USP6NL: variants seen among roughly 807,000 people sequenced by gnomAD.
The protein encoded by USP6NL is USP6 N-terminal like, also known as USP6 N-terminal-like protein.
USP6NL carries 26 observed loss-of-function variants against 61.9 expected under a neutral mutation model. The ratio of observed to expected loss-of-function variants is 0.42; its 90% CI spans 0.31 to 0.58. The LOEUF is 0.58. USP6NL is among the 20% of genes least tolerant of loss of function. The pLI, the probability that USP6NL is intolerant of heterozygous loss-of-function variation, is 0.16. For synonymous variants in USP6NL, 432 were observed against 390.1 expected (o/e 1.11, Z -1.27); for missense variants, 1,114 against 1,034.3 (o/e 1.08, Z -1.06).
Position 11,595,531 on chromosome 10 carries a change from C to T in USP6NL, c.4+2100G>A, listed in dbSNP as rs570421102. Among the ~76,000 whole-genome samples the T allele has an allele frequency of 7.9e-5, 12 of 152,136 alleles. No individual in the cohort carries two copies. The highest frequency in any genetic ancestry group is 2.9e-4 in the African/African-American group (12 of 41,432). ...GTGACTGAATCTGTGATGTTCTCAA[C>T]GTCACCATGGGGCCAGGGCTCTGAC... On this transcript the variant is annotated intron_variant, in intron 2 of 14. Transcript: ENST00000609104. This position sits in a 1 kb window ranked among gnomAD's most constrained non-coding sequence, Gnocchi z 5.3.
chr10:11,522,441 T>C (rs1835249009), intron 4 of USP6NL, among the ~76,000 whole-genome samples: 1 of 152,236 alleles, frequency 6.6e-6, no homozygotes, highest in Non-Finnish European at 1.5e-5. Context: ...CTCCGGTCTG[T>C]GGTGACAAGC....
rs1837939060 is a variant in USP6NL, at chr10:11,585,708, G to A, written c.4+11923C>T. On this transcript the variant is annotated intron_variant, in intron 2 of 14. Transcript: ENST00000609104. This position sits in a 1 kb window ranked among gnomAD's most constrained non-coding sequence, Gnocchi z 4.5. ...AAATTGAATAAAAATTTAAAAAGGT[G>A]GAAGCAACCCAAGTGTCCACTGACA... Among the ~76,000 whole-genome samples, 1 of 151,942 alleles carries A rather than the reference G, an allele frequency of 6.6e-6. No individual in the cohort carries two copies. The highest frequency in any genetic ancestry group is 6.6e-5 in the Admixed American group (1 of 15,242).
At position 11,547,755 on chromosome 10, in the gene USP6NL, T is replaced by C. The variant is rs1310866618; in HGVS notation, c.5-20188A>G. On this transcript the variant is annotated intron_variant, in intron 2 of 14. Coordinates refer to ENST00000609104, the MANE Select transcript of USP6NL (RefSeq NM_014688.5). ...CGGGGTGTCACCGTGTTATCCAGGA[T>C]GGTCTCGATCTCCTGACCTCGTGAT... Among the ~76,000 whole-genome samples, 9 of 152,208 alleles carry C rather than the reference T, an allele frequency of 5.9e-5. No homozygotes were observed. In the South Asian group the frequency reaches 1.5e-3, roughly 25 times the overall value.
intron 2 of USP6NL, among the ~76,000 whole-genome samples, chr10:11,552,495 T>G (rs1310835223): frequency 6.6e-6 from 1 of 152,232 alleles, no homozygotes; most frequent in Non-Finnish European, 1.5e-5. Context: ...GGTTTTAAGA[T>G]TAGTCCTTGA....
rs1161816621 is a variant in USP6NL at position 11,523,641 on chromosome 10, T to A, written c.155+1745A>T. On this transcript the variant is annotated intron_variant, in intron 4 of 14. Transcript: ENST00000609104. ...CAGCATTTGCCAGTTTAAAAAAAAG[T>A]ACCTCTTGTTTCTAGGGCCCCGCTC... is the stretch of plus-strand genomic sequence containing the variant. 5.3e-5 allele frequency among the ~76,000 whole-genome samples: 8 copies of A among 152,316 alleles called. No homozygotes were observed. The East Asian group carries it at 1.5e-3, about 29-fold the overall frequency.
rs542275288 is a variant in USP6NL at position 11,518,079 on chromosome 10, G to A, written c.195+456C>T. ...ACTAAAATACTGACCCACAGAAAAC[G>A]ATTTTGGTTGTTGTAAGAAATTTAC... is the stretch of plus-strand genomic sequence containing the variant. On this transcript the variant is annotated intron_variant, in intron 5 of 14. Transcript: ENST00000609104. This position sits in a 1 kb window ranked among gnomAD's most constrained non-coding sequence, Gnocchi z 5.3. Among the ~76,000 whole-genome samples the A allele has an allele frequency of 7.9e-5, 12 of 152,282 alleles. No homozygotes were observed. In the South Asian group the frequency reaches 2.3e-3, roughly 29 times the overall value.
At chr10:11,547,671 G>T (rs948822333) in intron 2 of USP6NL, among the ~76,000 whole-genome samples, 1 of 152,000 alleles carries the variant, frequency 6.6e-6, no homozygotes. Context: ...CTCCCGAGTA[G>T]CTGGGACTAC....
In USP6NL at chr10:11,600,640, T is replaced by C. The variant is rs527680894; in HGVS notation, c.-83-2923A>G. ...ATATTTCATAAGAAATACACCTAAA[T>C]CAGCAAAACACATAAAGGTGAGAAA... On this transcript the variant is annotated intron_variant, in intron 1 of 14. Coordinates refer to ENST00000609104, the MANE Select transcript of USP6NL (RefSeq NM_014688.5). The surrounding 1 kb of genome is among the most constrained non-coding windows in gnomAD (Gnocchi z 4.1). Among the ~76,000 whole-genome samples the C allele has an allele frequency of 1.6e-3, 243 of 152,130 alleles. 2 individuals carry two copies. Among genetic ancestry groups the C allele is most frequent in the Non-Finnish European group, 2.7e-3 (185 of 68,016 alleles).
intron 10 of USP6NL, among the ~76,000 whole-genome samples, chr10:11,488,674 ACT>A (rs1302179998): frequency 6.6e-6 from 1 of 152,202 alleles, no homozygotes; most frequent in African/African-American, 2.4e-5. Flanking sequence ...TTTCTCAATT[ACT>A]GTTTTTTTGA....
In USP6NL at chr10:11,496,463, C is replaced by T. The variant is rs1208393047; in HGVS notation, c.385-3235G>A. 6.6e-6 allele frequency among the ~76,000 whole-genome samples: 1 copy of T among 152,194 alleles called. No individual in the cohort carries two copies. The highest frequency in any genetic ancestry group is 1.5e-5 in the Non-Finnish European group (1 of 68,044). On this transcript the variant is annotated intron_variant, in intron 7 of 14. Transcript: ENST00000609104. The surrounding 1 kb of genome is among the most constrained non-coding windows in gnomAD (Gnocchi z 5.4). ...TTTTCCAAAACTGGTAGCTGTTAAG[C>T]ATCTCCCATTTTCTTATTTCTGTGG...
intron 7 of USP6NL, among the ~76,000 whole-genome samples, chr10:11,500,808 T>C (rs906004741): frequency 2.0e-5 from 3 of 152,214 alleles, no homozygotes; most frequent in South Asian, 2.1e-4. Context: ...CCATTTTCCA[T>C]GCAACCACGT....
intron 2 of USP6NL, among the ~76,000 whole-genome samples, chr10:11,581,374 G>A (rs1837766315): frequency 1.3e-5 from 2 of 152,202 alleles, no homozygotes; most frequent in Non-Finnish European, 2.9e-5. Context: ...AAAAAACACA[G>A]ACAAGAATAT....
At chr10:11,584,580 T>C (rs11257183) in intron 2 of USP6NL, among the ~76,000 whole-genome samples, 17,217 of 152,178 alleles carry the variant, frequency 0.11, 1,289 homozygotes, top group East Asian at 0.16. Flanking sequence ...TACTTCTGCC[T>C]TTTCGGTATA....
In USP6NL at chr10:11,499,957, T is replaced by TGTA. The variant is rs1358801876; in HGVS notation, c.384+1141_384+1143dup. On this transcript the variant is annotated intron_variant, in intron 7 of 14. Transcript: ENST00000609104. This position sits in a 1 kb window ranked among gnomAD's most constrained non-coding sequence, Gnocchi z 4.5. ...AGCACCTACCATATGCTAGGCACACTGTACTAGGTGCTGGGGTTATATTTC... is the reference window on the plus strand; with the variant it reads ...AGCACCTACCATATGCTAGGCACACTGTAGTACTAGGTGCTGGGGTTATATTTC... Among the ~76,000 whole-genome samples, 3 of 152,204 alleles carry TGTA rather than the reference T, an allele frequency of 2.0e-5. No homozygotes were observed. Among genetic ancestry groups the TGTA allele is most frequent in the Non-Finnish European group, 4.4e-5 (3 of 68,032 alleles).
chr10:11,610,898 C>T (rs1349360590), intron 1 of USP6NL, among the ~76,000 whole-genome samples: 4 of 152,132 alleles, frequency 2.6e-5, no homozygotes, highest in Non-Finnish European at 5.9e-5. Context: ...ATTACAAATG[C>T]CGCACCAGCC....
At chr10:11,498,438 C>T (rs1439759923) in intron 7 of USP6NL, among the ~76,000 whole-genome samples, 1 of 151,478 alleles carries the variant, frequency 6.6e-6, no homozygotes, top group Non-Finnish European at 1.5e-5. Context: ...ATGGGAGCAG[C>T]CAAGACAGCT....
intron 6 of USP6NL, among the ~76,000 whole-genome samples, chr10:11,502,183 C>T (rs776233567): frequency 2.0e-5 from 3 of 150,396 alleles, no homozygotes; most frequent in East Asian, 2.0e-4. Flanking sequence ...GGCGTGAACC[C>T]GGGAGGCAGA....
intron 6 of USP6NL, among the ~76,000 whole-genome samples, chr10:11,504,054 C>T (rs961495602): frequency 1.7e-4 from 26 of 151,998 alleles, no homozygotes; most frequent in Admixed American, 5.9e-4. Flanking sequence ...AATATAAAAA[C>T]GATGTCTTTG....
chr10:11,555,467 G>GAA (rs1555171122), intron 2 of USP6NL, among the ~76,000 whole-genome samples: 19 of 89,298 alleles, frequency 2.1e-4, no homozygotes, highest in African/African-American at 8.3e-4. Flanking sequence ...GAGAGAGAGA[G>GAA]AGAAAGAGAG....
Sources: allele counts gnomAD v4.1 joint callset (sites outside exome capture counted in the v4.1 genomes callset), GRCh38; gene constraint gnomAD v4.1.1; non-coding constraint Gnocchi (gnomAD v3.1); transcripts MANE v1.5; gene names NCBI Gene and HGNC (gene_info 2026-07-23, HGNC 2026-07-21).